The following CCSER2 variants were observed in gnomAD, a reference collection of about 807,000 sequenced individuals.
The protein encoded by CCSER2 is coiled-coil serine rich protein 2.
A neutral mutation model predicts 92.3 loss-of-function variants in CCSER2; 46 were observed. The ratio of observed to expected loss-of-function variants is 0.50; its 90% CI spans 0.39 to 0.64. The LOEUF (loss-of-function observed/expected upper bound fraction) is 0.64, where lower values mean the gene tolerates loss of function less well. Among genes scored for constraint, CCSER2 ranks in the 30% least tolerant of loss-of-function variants. The pLI is 0.00. For synonymous variants in CCSER2, 433 were observed against 431.4 expected (o/e 1.00, Z -0.04); for missense variants, 1,244 against 1,238.9 (o/e 1.00, Z -0.06).
At position 84,515,122 on chromosome 10, in the gene CCSER2, C is replaced by G. The variant is rs1849552427; in HGVS notation, c.*855C>G. 6.6e-6 allele frequency: 1 copy of G among 152,486 alleles called. No individual in the cohort carries two copies. Among genetic ancestry groups the G allele is most frequent in the Non-Finnish European group, 1.5e-5 (1 of 68,018 alleles). The allele number at this position is 152,486 out of a possible 1,614,324, so 9.4% of individuals were successfully genotyped here. On this transcript the variant is annotated 3_prime_UTR_variant, in exon 10 of 10. Transcript: ENST00000372088. ...TTTTGCTGGTAATTCAGGCTTGAAC[C>G]CTTAGGCTTGTGGATCCATGATAGC... is the stretch of plus-strand genomic sequence containing the variant.
chr10:84,361,318 G>GGGAGGGGCTT (rs1235204241), intron 1 of CCSER2, among the ~76,000 whole-genome samples: 1 of 152,194 alleles, frequency 6.6e-6, no homozygotes, highest in Non-Finnish European at 1.5e-5. Flanking sequence ...CGTCTCTCCT[G>GGGAGGGGCTT]GGAGGGGCTT....
At chr10:84,408,016 G>A (rs368991770) in intron 3 of CCSER2, among the ~76,000 whole-genome samples, 38 of 152,258 alleles carry the variant, frequency 2.5e-4, no homozygotes, top group African/African-American at 7.7e-4. Flanking sequence ...AATGGGCTGG[G>A]TTGAAGGTTC....
At chr10:84,512,620 T>C (rs1849423236) in intron 9 of CCSER2, among the ~76,000 whole-genome samples, 1 of 152,222 alleles carries the variant, frequency 6.6e-6, no homozygotes, top group South Asian at 2.1e-4. Context: ...GGGAAGTACA[T>C]GTGAGGCACA....
intron 1 of CCSER2, among the ~76,000 whole-genome samples, chr10:84,352,759 A>G (rs1844934797): frequency 6.6e-6 from 1 of 151,742 alleles, no homozygotes; most frequent in South Asian, 2.1e-4. Flanking sequence ...CCTATCTAGT[A>G]GTTGTTAAGG....
intron 5 of CCSER2, among the ~76,000 whole-genome samples, chr10:84,428,925 G>A (rs887628409): frequency 6.7e-6 from 1 of 149,428 alleles, no homozygotes; most frequent in Non-Finnish European, 1.5e-5. Flanking sequence ...TGTTGTGTTG[G>A]TATGTTGTGT....
chr10:84,485,971 T>C lies in CCSER2; in HGVS notation c.2325+8307T>C, dbSNP rs1195230470. ...AAGTGTTCTCATTGTTCAATTCCCA[T>C]CTATGAGTGAGAACATGCGGTGTTT... On this transcript the variant is annotated intron_variant, in intron 9 of 9. Coordinates refer to ENST00000372088, the MANE Select transcript of CCSER2 (RefSeq NM_001284240.2). Among the ~76,000 whole-genome samples, 3 of 152,080 alleles carry C rather than the reference T, an allele frequency of 2.0e-5. No homozygotes were observed. In the East Asian group the frequency reaches 5.8e-4, roughly 29 times the overall value.
At position 84,457,989 on chromosome 10, in the gene CCSER2, C is replaced by T. The variant is rs150617340; in HGVS notation, c.2065-5944C>T. Among the ~76,000 whole-genome samples, 364 of 151,892 alleles carry T rather than the reference C, an allele frequency of 2.4e-3. 1 individual carries two copies. Among genetic ancestry groups the T allele is most frequent in the African/African-American group, 8.3e-3 (346 of 41,446 alleles). ...TCAGAACTCCTGACCTCAGGTGATCCGCCTGCTTCGGCCTCCCAAAAGGCT... is the reference window on the plus strand; with the variant it reads ...TCAGAACTCCTGACCTCAGGTGATCTGCCTGCTTCGGCCTCCCAAAAGGCT... On this transcript the variant is annotated intron_variant, in intron 6 of 9. Coordinates refer to ENST00000372088, the MANE Select transcript of CCSER2 (RefSeq NM_001284240.2).
At chr10:84,357,313 C>T (rs775609681) in intron 1 of CCSER2, among the ~76,000 whole-genome samples, 2 of 152,164 alleles carry the variant, frequency 1.3e-5, no homozygotes, top group Admixed American at 6.5e-5. Flanking sequence ...TACAATTAGT[C>T]GAATAATTGG....
At chr10:84,362,328 GTA>G (rs1845544219) in intron 1 of CCSER2, among the ~76,000 whole-genome samples, 1 of 152,196 alleles carries the variant, frequency 6.6e-6, no homozygotes, top group Non-Finnish European at 1.5e-5. Context: ...TTAAAAGGCA[GTA>G]TATGGGTCAA....
intron 5 of CCSER2, among the ~76,000 whole-genome samples, chr10:84,428,007 T>C (rs554897807): frequency 6.6e-6 from 1 of 152,314 alleles, no homozygotes; most frequent in Admixed American, 6.5e-5. Context: ...TATCAACTCT[T>C]CTTTACTGGT....
At chr10:84,389,970 A>C (rs965318486) in intron 3 of CCSER2, among the ~76,000 whole-genome samples, 1 of 152,214 alleles carries the variant, frequency 6.6e-6, no homozygotes, top group South Asian at 2.1e-4. Context: ...TTTTATTAGG[A>C]AATGCTGTTT....
At position 84,436,350 on chromosome 10, in the gene CCSER2, AAAAT is replaced by A. The variant is rs1439709205; in HGVS notation, c.1869-2161_1869-2158del. Among the ~76,000 whole-genome samples, 18 of 126,724 alleles carry A rather than the reference AAAAT, an allele frequency of 1.4e-4. 1 individual carries two copies. The highest frequency in any genetic ancestry group is 9.4e-4 in the East Asian group (4 of 4,236). The allele number at this position is 126,724 out of a possible 152,430, so 83.1% of individuals were successfully genotyped here. A position where few individuals can be genotyped will look rare whatever the true frequency, so the allele number is the denominator to read the frequency against. On this transcript the variant is annotated intron_variant, in intron 5 of 9. Coordinates refer to ENST00000372088, the MANE Select transcript of CCSER2 (RefSeq NM_001284240.2). ...CAAAAAAAAAAAAAAAAAAAAAAAA[AAAAT>A]GCCGGGCGCGGTGTCTCAAGCCTGT...
intron 3 of CCSER2, among the ~76,000 whole-genome samples, chr10:84,395,134 C>A (rs888149485): frequency 6.7e-6 from 1 of 149,472 alleles, no homozygotes; most frequent in Non-Finnish European, 1.5e-5. Flanking sequence ...TGAGGTGGGA[C>A]GATCACTTGA....
chr10:84,490,297 G>A (rs1269018930), intron 9 of CCSER2, among the ~76,000 whole-genome samples: 1 of 152,142 alleles, frequency 6.6e-6, no homozygotes, highest in Non-Finnish European at 1.5e-5. Flanking sequence ...GCCTTGCTAG[G>A]TTGGGGAAGT....
chr10:84,484,291 T>G (rs1847669208), intron 9 of CCSER2, among the ~76,000 whole-genome samples: 1 of 151,850 alleles, frequency 6.6e-6, no homozygotes, highest in Admixed American at 6.6e-5. Context: ...TTCTATATTT[T>G]TAGTAGAGAT....
chr10:84,436,743 C>A (rs1844182174), intron 5 of CCSER2, among the ~76,000 whole-genome samples: 1 of 151,600 alleles, frequency 6.6e-6, no homozygotes, highest in Non-Finnish European at 1.5e-5. Context: ...ATCATAAAAT[C>A]AACAGTTTGT....
intron 5 of CCSER2, among the ~76,000 whole-genome samples, chr10:84,430,127 T>A (rs1203094078): frequency 2.0e-5 from 3 of 152,080 alleles, no homozygotes; most frequent in African/African-American, 7.2e-5. Flanking sequence ...GTGTGTTTGC[T>A]TAGGCACACC....
chr10:84,394,385 A>ATGTGTG (rs60891669), intron 3 of CCSER2, among the ~76,000 whole-genome samples: 18,050 of 132,426 alleles, frequency 0.14, 1,337 homozygotes, highest in East Asian at 0.24. Context: ...AAAGGAAAGT[A>ATGTGTG]TGTGTGTGTG....
chr10:84,491,663 G>T (rs1206708510), intron 9 of CCSER2, among the ~76,000 whole-genome samples: 2 of 152,150 alleles, frequency 1.3e-5, no homozygotes, highest in Non-Finnish European at 2.9e-5. Flanking sequence ...CTAAGAAAGG[G>T]AATTCCTTGA....
Sources: gnomAD v4.1 joint callset for allele counts (sites outside exome capture counted in the v4.1 genomes callset) on GRCh38, gnomAD v4.1.1 for gene constraint, MANE v1.5 for transcripts, NCBI Gene and HGNC (gene_info 2026-07-23, HGNC 2026-07-21) for gene names.